Variants in XDH observed in about 807,000 individuals in gnomAD.
XDH encodes the protein xanthine dehydrogenase/oxidase.
A neutral mutation model predicts 156.1 loss-of-function variants in XDH; 138 were observed. That is an observed-to-expected ratio of 0.88 (90% CI 0.77 to 1.02). XDH has a LOEUF of 1.02. Among genes scored for constraint, XDH ranks in the 50% least tolerant of loss-of-function variants. The pLI is 0.00. For synonymous variants in XDH, 669 were observed against 625.7 expected, an observed-to-expected ratio of 1.07 and a Z score of -1.03; for missense variants, 1,849 against 1,684.9, an observed-to-expected ratio of 1.10 and a Z score of -1.71.
At position 31,405,936 on chromosome 2, in the gene XDH, G is replaced by A. The variant is rs777486975; in HGVS notation, c.71C>T (p.Thr24Ile). 2 of 1,614,154 alleles carry A rather than the reference G, an allele frequency of 1.2e-6. No homozygotes were observed. Among genetic ancestry groups the A allele is most frequent in the Non-Finnish European group, 1.7e-6 (2 of 1,180,014 alleles). ...KVVEKNADPE[T>I]TLLAYLRRKL... ...TCTTCTCAGGTAGGCCAAAAGGGTT[G>A]TCTCTGGATCTGCATTTTTCTCCAC... Residue 24 changes from threonine to isoleucine, a missense_variant, in exon 2 of 36, where the codon ACA becomes ATA. Thr to Ile is a moderately conservative substitution (Grantham distance 89). Transcript: ENST00000379416.
At position 31,341,326 on chromosome 2, in the gene XDH, C is replaced by A; in HGVS notation, c.3585+3G>T. The A allele has an allele frequency of 1.3e-6, 2 of 1,568,742 alleles. No individual in the cohort carries two copies. The highest frequency in any genetic ancestry group is 2.3e-5 in the East Asian group (1 of 42,996). On this transcript the variant is annotated splice_donor_region_variant and intron_variant, in intron 33 of 35. Transcript: ENST00000379416. ...TCACCACCCTGGTCCCACTGAGCCTCACCTGTCCAATATCAATGGCAGGGT... is the reference window on the plus strand; with the variant it reads ...TCACCACCCTGGTCCCACTGAGCCTAACCTGTCCAATATCAATGGCAGGGT...
At chr2:31,359,372 C>CAAA (rs201239874) in intron 24 of XDH, among the ~76,000 whole-genome samples, 1 of 132,598 alleles carries the variant, frequency 7.5e-6, no homozygotes. Context: ...AAACAAAAAC[C>CAAA]AAAAAAAAAA....
Position 31,365,974 on chromosome 2 carries a change from A to C in XDH, c.2456+2T>G, listed in dbSNP as rs1483362785. 1.2e-6 allele frequency: 2 copies of C among 1,613,962 alleles called. No homozygotes were observed. The highest frequency in any genetic ancestry group is 1.7e-6 in the Non-Finnish European group (2 of 1,180,014). Reference sequence around the variant, plus strand: ...ATGGGAGAAACAGGCTTTGGAACTCACTTATATGCAGCCAGGGCCACTGCC... The same window carrying C: ...ATGGGAGAAACAGGCTTTGGAACTCCCTTATATGCAGCCAGGGCCACTGCC... On this transcript the variant is annotated splice_donor_variant, in intron 22 of 35. Transcript: ENST00000379416. LOFTEE classifies it high-confidence loss of function.
At chr2:31,390,117 A>G (rs886833462) in intron 6 of XDH, among the ~76,000 whole-genome samples, 6 of 152,190 alleles carry the variant, frequency 3.9e-5, no homozygotes, top group Non-Finnish European at 5.9e-5. Flanking sequence ...GACCCTTATG[A>G]TATCTTACAG....
At chr2:31,362,151 A>G (rs1412332619) in intron 24 of XDH, among the ~76,000 whole-genome samples, 3 of 152,176 alleles carry the variant, frequency 2.0e-5, no homozygotes, top group African/African-American at 4.8e-5. Context: ...GAGCAGGAAG[A>G]TAATCAGCAA....
chr2:31,406,634 T>C (rs1355436930), intron 1 of XDH, among the ~76,000 whole-genome samples: 2 of 152,200 alleles, frequency 1.3e-5, no homozygotes, highest in Non-Finnish European at 2.9e-5. Context: ...CATGCAGGCA[T>C]TGCACCTTCC....
At chr2:31,355,455 G>T (rs1685598962) in intron 24 of XDH, among the ~76,000 whole-genome samples, 1 of 151,994 alleles carries the variant, frequency 6.6e-6, no homozygotes, top group Non-Finnish European at 1.5e-5. Flanking sequence ...GGTTCTAAAT[G>T]AATGTAAAGA....
chr2:31,340,293 T>C (rs1020697368), intron 33 of XDH, among the ~76,000 whole-genome samples: 2 of 152,186 alleles, frequency 1.3e-5, no homozygotes, highest in African/African-American at 4.8e-5. Flanking sequence ...CTGGCCACAG[T>C]AGGGGACCAT....
At position 31,386,558 on chromosome 2, in the gene XDH, G is replaced by A; in HGVS notation, c.652-3C>T. 6.2e-7 allele frequency: 1 copy of A among 1,614,104 alleles called. No homozygotes were observed. Among genetic ancestry groups the A allele is most frequent in the Non-Finnish European group, 8.5e-7 (1 of 1,180,020 alleles). On this transcript the variant is annotated splice_region_variant and splice_polypyrimidine_tract_variant and intron_variant, in intron 8 of 35. Transcript: ENST00000379416. ...TTCCGAGGAGTGTCTTTCAGCCTCT[G>A]GGAAATGCAGTTTTCTTACTACACT... is the stretch of plus-strand genomic sequence containing the variant.
At chr2:31,386,297 G>A (rs1686590509) in intron 9 of XDH, 117 bp downstream of exon 9, 2 of 1,391,460 alleles carry the variant, frequency 1.4e-6, no homozygotes, top group Non-Finnish European at 2.0e-6. Flanking sequence ...TAGTCAGTGG[G>A]GCAGAGGGAT....
intron 24 of XDH, among the ~76,000 whole-genome samples, chr2:31,356,319 C>A (rs1267927559): frequency 6.6e-6 from 1 of 152,154 alleles, no homozygotes; most frequent in Non-Finnish European, 1.5e-5. Context: ...AGAAATGCCT[C>A]CCCAAAGATA....
intron 8 of XDH, 151 bp downstream of exon 8, chr2:31,387,660 C>G: frequency 1.4e-6 from 1 of 711,896 alleles, no homozygotes; most frequent in Non-Finnish European, 2.4e-6. Flanking sequence ...GAGACTCAAC[C>G]TAGGGGAGTG....
At chr2:31,381,769 A>G (rs748896209) in intron 11 of XDH, 43 bp from the exon 12 acceptor site, 5 of 1,568,004 alleles carry the variant, frequency 3.2e-6, no homozygotes, top group Middle Eastern at 3.4e-4. Context: ...CACCCCAGGA[A>G]ACCCCTGCTC....
chr2:31,387,233 G>T (rs1197197005), intron 8 of XDH, among the ~76,000 whole-genome samples: 47 of 152,284 alleles, frequency 3.1e-4, no homozygotes, highest in Non-Finnish European at 1.0e-4. Flanking sequence ...AGTTTTCATA[G>T]CTCAAAACTC....
intron 33 of XDH, 41 bp downstream of exon 33, chr2:31,341,288 G>A (rs1310275015): frequency 6.5e-7 from 1 of 1,546,250 alleles, no homozygotes; most frequent in African/African-American, 1.4e-5. Flanking sequence ...GGGTGCATCG[G>A]TGGCCAAGTC....
At chr2:31,398,807 C>T in intron 4 of XDH, 108 bp from the exon 5 acceptor site, 2 of 1,560,864 alleles carry the variant, frequency 1.3e-6, no homozygotes, top group South Asian at 2.2e-5. Flanking sequence ...GGGTAGTAAT[C>T]ACTGCACAGA....
chr2:31,406,858 C>A (rs1008384012), intron 1 of XDH, among the ~76,000 whole-genome samples: 1 of 152,132 alleles, frequency 6.6e-6, no homozygotes, highest in African/African-American at 2.4e-5. Context: ...GCATGTGATG[C>A]GTATTAGTCA....
chr2:31,390,443 G>C (rs1053901782), intron 6 of XDH, among the ~76,000 whole-genome samples: 1 of 152,150 alleles, frequency 6.6e-6, no homozygotes, highest in African/African-American at 2.4e-5. Context: ...TCTAAGTTTT[G>C]GCAATTATGA....
chr2:31,395,741 C>T (rs186921296), intron 6 of XDH, among the ~76,000 whole-genome samples: 1 of 152,212 alleles, frequency 6.6e-6, no homozygotes, highest in African/African-American at 2.4e-5. Flanking sequence ...CTGTCTGTCT[C>T]TCCAATTTTT....
Sources: gnomAD v4.1 joint callset for allele counts (sites outside exome capture counted in the v4.1 genomes callset) on GRCh38, gnomAD v4.1.1 for gene constraint, MANE v1.5 for transcripts, NCBI Gene and HGNC (gene_info 2026-07-23, HGNC 2026-07-21) for gene names.